Variants in MTHFSD observed in about 807,000 individuals in gnomAD.
MTHFSD encodes methenyltetrahydrofolate synthase domain-containing protein.
MTHFSD carries 37 observed loss-of-function variants against 31.1 expected under a neutral mutation model. The observed-to-expected ratio is 1.19, with a 90% CI of 0.91 to 1.56. The LOEUF is 1.56. MTHFSD is among the 40% of genes most tolerant of loss of function. MTHFSD has a pLI of 0.00. For synonymous variants in MTHFSD, 221 were observed against 206.9 expected (o/e 1.07, Z -0.59); for missense variants, 664 against 510.1 (o/e 1.30, Z -2.91).
chr16:86,532,860 G>A (rs1463278280), intron 7 of MTHFSD: 1 of 163,114 alleles, frequency 6.1e-6, no homozygotes, highest in Non-Finnish European at 1.3e-5. Context: ...CTACTATTGG[G>A]ATTATAGGGT....
intron 3 of MTHFSD, among the ~76,000 whole-genome samples, chr16:86,549,892 T>C (rs1359443571): frequency 6.6e-6 from 1 of 152,266 alleles, no homozygotes; most frequent in Non-Finnish European, 1.5e-5. Context: ...CCTGGGAAGC[T>C]GTGCATGCCC....
chr16:86,532,698 G>A (rs1043953498), intron 7 of MTHFSD: 1 of 385,432 alleles, frequency 2.6e-6, no homozygotes, highest in African/African-American at 2.1e-5. Flanking sequence ...CTGGCTTAAG[G>A]GAAGTCAGCA....
chr16:86,544,338 G>T (rs1971962985), intron 5 of MTHFSD, among the ~76,000 whole-genome samples: 4 of 151,970 alleles, frequency 2.6e-5, no homozygotes, highest in Admixed American at 2.6e-4. Flanking sequence ...TCTGACAAAG[G>T]TCTAATATCC....
In MTHFSD at chr16:86,552,095, T is replaced by G; in HGVS notation, c.175A>C (p.Thr59Pro). The G allele has an allele frequency of 6.2e-7, 1 of 1,614,190 alleles. No homozygotes were observed. Among genetic ancestry groups the G allele is most frequent in the Non-Finnish European group, 8.5e-7 (1 of 1,180,034 alleles). Reference sequence around the variant, plus strand: ...TCAGGGTCCACTTTAACTTCCTGTGTTCTGGCAAAAACGTCTAGGTCTTTG... The same window carrying G: ...TCAGGGTCCACTTTAACTTCCTGTGGTCTGGCAAAAACGTCTAGGTCTTTG... ...NIKDLDVFAR[T>P]QEVKVDPDKP... The change falls in exon 3 of 8, where the codon ACA becomes CCA. Residue 59 changes from threonine to proline, a missense_variant. Physicochemically the swap from Thr to Pro is conservative, Grantham distance 38 (BLOSUM62 -1). Coordinates refer to ENST00000360900, the MANE Select transcript of MTHFSD (RefSeq NM_001159377.2).
At chr16:86,550,427 G>T (rs1972972827) in intron 3 of MTHFSD, among the ~76,000 whole-genome samples, 1 of 152,216 alleles carries the variant, frequency 6.6e-6, no homozygotes, top group South Asian at 2.1e-4. Flanking sequence ...CACGGTCAAG[G>T]TTTCTGATTT....
rs1969873350 is a variant in MTHFSD, at chr16:86,530,193, G to C, written c.*1818C>G. 6.6e-6 allele frequency: 1 copy of C among 152,224 alleles called. No homozygotes were observed. The highest frequency in any genetic ancestry group is 2.4e-5 in the African/African-American group (1 of 41,448). The allele number at this position is 152,224 out of a possible 1,614,324, so 9.4% of individuals were successfully genotyped here. On this transcript the variant is annotated 3_prime_UTR_variant, in exon 8 of 8. Transcript: ENST00000360900. Reference sequence around the variant, plus strand: ...GAAAGGTGTGCAGGCTGATACATGTGGGGGATTTTATTTCAGGCACTTGCT... The same window carrying C: ...GAAAGGTGTGCAGGCTGATACATGTCGGGGATTTTATTTCAGGCACTTGCT...
rs1971727646 is a variant in MTHFSD at position 86,542,933 on chromosome 16, A to G, written c.443-720T>C. Among the ~76,000 whole-genome samples, 1 of 152,200 alleles carries G rather than the reference A, an allele frequency of 6.6e-6. No homozygotes were observed. The highest frequency in any genetic ancestry group is 1.5e-5 in the Non-Finnish European group (1 of 68,036). ...ATTCCGCTTATGAGAAGCCTGAGGC[A>G]CTTCAGAAACTGAGGCCAGCGAGTG... is the stretch of plus-strand genomic sequence containing the variant. On this transcript the variant is annotated intron_variant, in intron 5 of 7. Coordinates refer to ENST00000360900, the MANE Select transcript of MTHFSD (RefSeq NM_001159377.2). The surrounding 1 kb of genome is among the most constrained non-coding windows in gnomAD (Gnocchi z 4.6).
chr16:86,547,295 G>A (rs1721286246), intron 4 of MTHFSD: 5 of 985,610 alleles, frequency 5.1e-6, no homozygotes, highest in Non-Finnish European at 6.0e-6. Flanking sequence ...AAAGAATAGG[G>A]AAGCTGAATA....
chr16:86,554,553 C>T (rs1015455331), intron 2 of MTHFSD, 92 bp downstream of exon 2: 1 of 1,002,060 alleles, frequency 1.0e-6, no homozygotes. Flanking sequence ...CATTCTCATC[C>T]ACCATGACGC....
At chr16:86,553,096 T>G (rs961379808) in intron 2 of MTHFSD, among the ~76,000 whole-genome samples, 3 of 152,222 alleles carry the variant, frequency 2.0e-5, no homozygotes, top group African/African-American at 7.2e-5. Context: ...AGGCATTCAT[T>G]TCTTTCCAAA....
intron 5 of MTHFSD, 85 bp downstream of exon 5, chr16:86,546,474 C>T (rs1185562662): frequency 9.9e-6 from 12 of 1,214,498 alleles, no homozygotes; most frequent in Non-Finnish European, 1.2e-6. Context: ...ACACCACTGG[C>T]GACTTTTGAA....
rs781508487 is a variant in MTHFSD at position 86,541,756 on chromosome 16, T to A, written c.622A>T (p.Thr208Ser). ...TTGCAGCCTGTGGCGATGACTCTGG[T>A]TGGAGTGAGGATGTAGTCCACAGTG... Reference protein sequence around the residue: ...DITVDYILTPTRVIATGCKRP... With the variant: ...DITVDYILTPSRVIATGCKRP... Residue 208 changes from threonine to serine, a missense_variant, in exon 7 of 8, where the codon ACC (threonine) becomes TCC (serine). Physicochemically the swap from Thr to Ser is moderately conservative, Grantham distance 58. Coordinates refer to ENST00000360900, the MANE Select transcript of MTHFSD (RefSeq NM_001159377.2). The A allele has an allele frequency of 1.2e-6, 2 of 1,614,156 alleles. No homozygotes were observed. The highest frequency in any genetic ancestry group is 1.7e-5 in the Admixed American group (1 of 60,018).
chr16:86,555,180 T>C lies in MTHFSD; in HGVS notation c.5A>G (p.Glu2Gly), dbSNP rs1401495858. The C allele has an allele frequency of 3.9e-6, 6 of 1,536,764 alleles. No homozygotes were observed. Among genetic ancestry groups the C allele is most frequent in the Non-Finnish European group, 5.2e-6 (6 of 1,146,602 alleles). Residue 2 changes from glutamate (E) to glycine (G), a missense_variant, in exon 1 of 8, where the codon GAG becomes GGG. Transcript: ENST00000360900. ...GCCAGGCCCCCCACCTGCCCTCGGC[T>C]CCATGGTGATGCAGTCGCTGTGCGA... M[E>G]PRAVGVSKQD...
rs1249709782 is a variant in MTHFSD, at chr16:86,530,654, AT to A, written c.*1356del. On this transcript the variant is annotated 3_prime_UTR_variant, in exon 8 of 8. Transcript: ENST00000360900. ...ATAAGAATCTTTCAGAAAAAGAAGT[AT>A]TTTTTAAAAAAAGAGAGAAAAGAAG... is the stretch of plus-strand genomic sequence containing the variant. The A allele has an allele frequency of 6.6e-6, 1 of 152,148 alleles. No homozygotes were observed. Among genetic ancestry groups the A allele is most frequent in the Admixed American group, 6.5e-5 (1 of 15,282 alleles). 9.4% of individuals were successfully genotyped at this position (152,148 alleles called of 1,614,324 possible).
rs1179868771 is a variant in MTHFSD at position 86,546,627 on chromosome 16, G to A, written c.374C>T (p.Pro125Leu). ...GAGGACTCTGGAGTCCAAGCCTATG[G>A]GGACACTGTAGTTCCTCACACCCTG... ...TSQGVRNYSV[P>L]IGLDSRVLVD... The change falls in exon 5 of 8, where the codon CCC (proline) becomes CTC (leucine). Residue 125 changes from proline to leucine, a missense_variant. Coordinates refer to ENST00000360900, the MANE Select transcript of MTHFSD (RefSeq NM_001159377.2). 1 of 1,613,708 alleles carries A rather than the reference G, an allele frequency of 6.2e-7. No individual in the cohort carries two copies. Among genetic ancestry groups the A allele is most frequent in the Non-Finnish European group, 8.5e-7 (1 of 1,179,970 alleles).
Position 86,546,547 on chromosome 16 carries a change from T to G in MTHFSD, c.442+12A>C. On this transcript the variant is annotated intron_variant, in intron 5 of 7. Transcript: ENST00000360900. Reference sequence around the variant, plus strand: ...GCTGTCACACTCAAGGGTTCCCATCTGCTAGTCTTACCTTTTTCAGAAACG... The same window carrying G: ...GCTGTCACACTCAAGGGTTCCCATCGGCTAGTCTTACCTTTTTCAGAAACG... 6.2e-7 allele frequency: 1 copy of G among 1,612,960 alleles called. No individual in the cohort carries two copies. The highest frequency in any genetic ancestry group is 8.5e-7 in the Non-Finnish European group (1 of 1,179,088).
At chr16:86,554,113 C>T (rs900919171) in intron 2 of MTHFSD, among the ~76,000 whole-genome samples, 1 of 152,156 alleles carries the variant, frequency 6.6e-6, no homozygotes, top group Admixed American at 6.5e-5. Context: ...AGCAACAACC[C>T]TCTCCAATCC....
At chr16:86,536,187 G>C (rs1244063841) in intron 7 of MTHFSD, among the ~76,000 whole-genome samples, 2 of 152,196 alleles carry the variant, frequency 1.3e-5, no homozygotes, top group Non-Finnish European at 2.9e-5. Context: ...CTAATACTAA[G>C]TTCAACCTCC....
At chr16:86,552,607 C>T (rs1241545005) in intron 2 of MTHFSD, among the ~76,000 whole-genome samples, 2 of 152,350 alleles carry the variant, frequency 1.3e-5, no homozygotes, top group Middle Eastern at 3.4e-3. Context: ...GAAGCCCCCA[C>T]CTCTCTCCTG....
Sources: gnomAD v4.1 joint callset for allele counts (sites outside exome capture counted in the v4.1 genomes callset) on GRCh38, gnomAD v4.1.1 for gene constraint, Gnocchi (gnomAD v3.1) non-coding constraint, MANE v1.5 for transcripts, NCBI Gene and HGNC (gene_info 2026-07-23, HGNC 2026-07-21) for gene names.